Variants in MGAT3 observed in about 807,000 individuals in gnomAD.
The protein encoded by MGAT3 is beta-1,4-mannosyl-glycoprotein 4-beta-N-acetylglucosaminyltransferase.
A neutral mutation model predicts 29.8 loss-of-function variants in MGAT3; 9 were observed. That is an observed-to-expected ratio of 0.30 (90% CI 0.18 to 0.53). MGAT3 has a LOEUF of 0.53. Ranked by LOEUF, MGAT3 falls within the 20% of genes least tolerant of loss-of-function variation. The pLI is 0.96. For synonymous variants in MGAT3, 397 were observed against 348.9 expected (o/e 1.14, Z -1.54); for missense variants, 557 against 769.5 (o/e 0.72, Z 3.27).
In MGAT3 at chr22:39,485,305, C is replaced by T. The variant is rs546887199; in HGVS notation, c.-1-2042C>T. Among the ~76,000 whole-genome samples, 7 of 152,246 alleles carry T rather than the reference C, an allele frequency of 4.6e-5. No homozygotes were observed. In the South Asian group the frequency reaches 1.5e-3, roughly 32 times the overall value. On this transcript the variant is annotated intron_variant, in intron 1 of 1. Transcript: ENST00000341184. The stretch of plus-strand genomic sequence containing the variant: ...CGGTCGGAGGTGCTCTGTGGCTGCA[C>T]GGCTCATTCATAAAACGAGGGATCC...
chr22:39,485,508 AGGCCAGG>A (rs1294027297), intron 1 of MGAT3, among the ~76,000 whole-genome samples: 1 of 152,192 alleles, frequency 6.6e-6, no homozygotes, highest in South Asian at 2.1e-4. Flanking sequence ...AAGTTTATTT[AGGCCAGG>A]CATGGTGGCT....
At position 39,487,757 on chromosome 22, in the gene MGAT3, C is replaced by T. The variant is rs772844776; in HGVS notation, c.410C>T (p.Pro137Leu). ...RPPPGRPEEKPEGANGSSARR... is the reference protein window; with the variant it reads ...RPPPGRPEEKLEGANGSSARR... ...CCCCCGGGACGGCCGGAGGAGAAGC[C>T]TGAGGGGGCCAACGGCTCCTCGGCC... Residue 137 changes from proline to leucine, a missense_variant, in exon 2 of 2, where the codon CCT (proline) becomes CTT (leucine). By Grantham distance (98) the Pro-to-Leu change is moderately conservative. Around this residue, in one of 3 missense-constraint regions of MGAT3, gnomAD observed 212 missense variants for 228.5 expected, o/e 0.93. Transcript: ENST00000341184. The surrounding 1 kb of genome is among the most constrained non-coding windows in gnomAD (Gnocchi z 5.7). 29 of 1,520,568 alleles carry T rather than the reference C, an allele frequency of 1.9e-5. No homozygotes were observed. Among genetic ancestry groups the T allele is most frequent in the Non-Finnish European group, 2.5e-5 (28 of 1,137,194 alleles). The allele number at this position is 1,520,568 out of a possible 1,614,324, so 94.2% of individuals were successfully genotyped here. A position where few individuals can be genotyped will look rare whatever the true frequency, so the allele number is the denominator to read the frequency against.
Position 39,492,094 on chromosome 22 carries a change from G to A in MGAT3, c.*3145G>A, listed in dbSNP as rs1929467336. ...AAGGGAAAATCAATATGTACATTCT[G>A]AAATCATTTTCTCTGTAAATGGTTG... is the stretch of plus-strand genomic sequence containing the variant. On this transcript the variant is annotated 3_prime_UTR_variant, in exon 2 of 2. Transcript: ENST00000341184. 6.0e-6 allele frequency: 1 copy of A among 167,190 alleles called. No homozygotes were observed. Among genetic ancestry groups the A allele is most frequent in the African/African-American group, 2.4e-5 (1 of 41,438 alleles). 10.4% of individuals were successfully genotyped at this position (167,190 alleles called of 1,614,324 possible).
intron 1 of MGAT3, among the ~76,000 whole-genome samples, chr22:39,475,128 CTTTTTTTTTTT>C (rs58543840): frequency 1.7e-5 from 2 of 118,800 alleles, no homozygotes; most frequent in African/African-American, 7.4e-5. Context: ...GCTTGCCAGG[CTTTTTTTTTTT>C]TTTTTTTTTT....
chr22:39,474,820 A>G (rs1041061375), intron 1 of MGAT3, among the ~76,000 whole-genome samples: 1 of 152,168 alleles, frequency 6.6e-6, no homozygotes, highest in African/African-American at 2.4e-5. Context: ...CCAAGTTTAC[A>G]TCTCTCCATT....
Position 39,479,785 on chromosome 22 carries a change from C to G in MGAT3, c.-1-7562C>G, listed in dbSNP as rs1300716468. Among the ~76,000 whole-genome samples the G allele has an allele frequency of 2.6e-5, 4 of 152,276 alleles. No individual in the cohort carries two copies. In the South Asian group the frequency reaches 8.3e-4, roughly 32 times the overall value. ...AGAGCTGGGATTTGAACTGGGGAGT[C>G]CGAGCACATGGAAGTGATGGTGAGG... On this transcript the variant is annotated intron_variant, in intron 1 of 1. Transcript: ENST00000341184.
At chr22:39,463,728 A>G (rs150802415) in intron 1 of MGAT3, among the ~76,000 whole-genome samples, 2 of 152,010 alleles carry the variant, frequency 1.3e-5, no homozygotes, top group Non-Finnish European at 2.9e-5. Context: ...CCTGGGCAAC[A>G]TAGTGGGACC....
At chr22:39,459,650 TAG>T (rs1928443417) in intron 1 of MGAT3, among the ~76,000 whole-genome samples, 1 of 152,138 alleles carries the variant, frequency 6.6e-6, no homozygotes, top group Non-Finnish European at 1.5e-5. Flanking sequence ...AAGTTTTTAA[TAG>T]AGATGAGGTT....
chr22:39,483,336 G>A (rs1929181618), intron 1 of MGAT3, among the ~76,000 whole-genome samples: 1 of 151,958 alleles, frequency 6.6e-6, no homozygotes, highest in Admixed American at 6.6e-5. Context: ...CTCTACTAAA[G>A]ATACAAAATT....
chr22:39,465,511 C>T (rs1928616897), intron 1 of MGAT3, among the ~76,000 whole-genome samples: 1 of 152,152 alleles, frequency 6.6e-6, no homozygotes, highest in South Asian at 2.1e-4. Context: ...GAACGCTGCA[C>T]AAACTCATCA....
intron 1 of MGAT3, among the ~76,000 whole-genome samples, chr22:39,472,033 C>T (rs1237853871): frequency 6.6e-6 from 1 of 152,032 alleles, no homozygotes; most frequent in Non-Finnish European, 1.5e-5. Flanking sequence ...CAGGAATGCT[C>T]AAAGCTCTGG....
intron 1 of MGAT3, among the ~76,000 whole-genome samples, chr22:39,486,728 T>C (rs1391861265): frequency 6.6e-6 from 1 of 152,078 alleles, no homozygotes; most frequent in East Asian, 1.9e-4. Context: ...CTCAAACTCC[T>C]GGGCTCAAGT....
chr22:39,467,640 TTTTTC>T (rs200182706), intron 1 of MGAT3, among the ~76,000 whole-genome samples: 2,475 of 152,012 alleles, frequency 0.016, 63 homozygotes, highest in African/African-American at 0.054. Context: ...GCTTCCTTCT[TTTTTC>T]TTTTCTTTTC....
At chr22:39,473,130 C>CA (rs1333151801) in intron 1 of MGAT3, among the ~76,000 whole-genome samples, 2 of 152,162 alleles carry the variant, frequency 1.3e-5, no homozygotes, top group East Asian at 3.8e-4. Flanking sequence ...ACAGCCCCGT[C>CA]AGAGGGCGGC....
chr22:39,487,260 G>A lies in MGAT3; in HGVS notation c.-1-87G>A, dbSNP rs1191590973. 2.2e-6 allele frequency: 3 copies of A among 1,373,190 alleles called. No homozygotes were observed. Among genetic ancestry groups the A allele is most frequent in the African/African-American group, 1.5e-5 (1 of 68,548 alleles). 85.1% of individuals were successfully genotyped at this position (1,373,190 alleles called of 1,614,324 possible). A position where few individuals can be genotyped will look rare whatever the true frequency, so the allele number is the denominator to read the frequency against. On this transcript the variant is annotated intron_variant, in intron 1 of 1. Coordinates refer to ENST00000341184, the MANE Select transcript of MGAT3 (RefSeq NM_002409.5). The surrounding 1 kb of genome is among the most constrained non-coding windows in gnomAD (Gnocchi z 5.7). ...TGCTGGCCACCACATTGTCCAGCAA[G>A]GTGGCAGCAGAGGCCTCCTAGGTCC... is the stretch of plus-strand genomic sequence containing the variant.
rs2145704958 is a variant in MGAT3, at chr22:39,457,711, G to C, written c.-2+154G>C. Among the ~76,000 whole-genome samples the C allele has an allele frequency of 6.6e-6, 1 of 150,414 alleles. No individual in the cohort carries two copies. Among genetic ancestry groups the C allele is most frequent in the African/African-American group, 2.4e-5 (1 of 41,294 alleles). Reference sequence around the variant, plus strand: ...CGGGCGCGGGCGCACTGGGGCTGGGGGCCCGGAGGCCGCGGTGGGGGCGGG... The same window carrying C: ...CGGGCGCGGGCGCACTGGGGCTGGGCGCCCGGAGGCCGCGGTGGGGGCGGG... On this transcript the variant is annotated intron_variant, in intron 1 of 1. Coordinates refer to ENST00000341184, the MANE Select transcript of MGAT3 (RefSeq NM_002409.5). The surrounding 1 kb of genome is among the most constrained non-coding windows in gnomAD (Gnocchi z 6.8).
intron 1 of MGAT3, among the ~76,000 whole-genome samples, chr22:39,476,162 A>C (rs143996411): frequency 7.4e-6 from 1 of 135,302 alleles, no homozygotes; most frequent in Non-Finnish European, 1.6e-5. Context: ...TTTGGAGGGG[A>C]GAGAGTGGTG....
At chr22:39,486,911 A>G (rs1023458279) in intron 1 of MGAT3, among the ~76,000 whole-genome samples, 4 of 152,152 alleles carry the variant, frequency 2.6e-5, no homozygotes, top group African/African-American at 9.7e-5. Context: ...AAAAAAGAAG[A>G]TAGGAGGGGA....
chr22:39,464,745 A>G (rs1928590127), intron 1 of MGAT3, among the ~76,000 whole-genome samples: 1 of 149,962 alleles, frequency 6.7e-6, no homozygotes, highest in Non-Finnish European at 1.5e-5. Flanking sequence ...CTGGCCTGAT[A>G]CATATTTATT....
Sources: gnomAD v4.1 joint callset for allele counts (sites outside exome capture counted in the v4.1 genomes callset) on GRCh38, gnomAD v4.1.1 for gene constraint, gnomAD v4.1.1 regional missense constraint, Gnocchi (gnomAD v3.1) non-coding constraint, MANE v1.5 for transcripts, NCBI Gene and HGNC (gene_info 2026-07-23, HGNC 2026-07-21) for gene names.